Variants in ATP10D observed in about 807,000 individuals in gnomAD.
ATP10D encodes phospholipid-transporting ATPase VD.
In ATP10D, 89 loss-of-function variants were observed where a neutral mutation model predicts 144.8. That is an observed-to-expected ratio of 0.61 (90% CI 0.52 to 0.73). The LOEUF is 0.73. Ranked by LOEUF, ATP10D falls within the 30% of genes least tolerant of loss-of-function variation. ATP10D has a pLI of 0.00. For missense variants in ATP10D, 1,603 were observed against 1,714.8 expected, an observed-to-expected ratio of 0.93 and a Z score of 1.15; for synonymous variants, 571 against 615.1, an observed-to-expected ratio of 0.93 and a Z score of 1.06.
chr4:47,576,363 A>G (rs1720246054), intron 18 of ATP10D, among the ~76,000 whole-genome samples: 1 of 152,118 alleles, frequency 6.6e-6, no homozygotes, highest in East Asian at 1.9e-4. Flanking sequence ...AGATAGAGGG[A>G]GTTTTGTTTC....
chr4:47,556,844 T>C (rs1719013727), intron 11 of ATP10D: 1 of 152,140 alleles, frequency 6.6e-6, no homozygotes, highest in Non-Finnish European at 1.5e-5. Flanking sequence ...TAGTCACTGA[T>C]AAAAGTTAAG....
chr4:47,550,874 C>T (rs1274672786), intron 10 of ATP10D, among the ~76,000 whole-genome samples: 6 of 151,852 alleles, frequency 4.0e-5, no homozygotes, highest in East Asian at 1.9e-4. Context: ...TGGTGGACAG[C>T]GAGCGAAAGC....
At chr4:47,550,002 G>C (rs1236490764) in intron 10 of ATP10D, among the ~76,000 whole-genome samples, 1 of 151,554 alleles carries the variant, frequency 6.6e-6, no homozygotes, top group African/African-American at 2.4e-5. Flanking sequence ...GTGGGGAGGG[G>C]GTGGTGGCAA....
intron 5 of ATP10D, among the ~76,000 whole-genome samples, chr4:47,529,657 C>T (rs918382444): frequency 6.6e-6 from 1 of 151,744 alleles, no homozygotes; most frequent in Non-Finnish European, 1.5e-5. Flanking sequence ...TTTTAGAATT[C>T]TTTTTTCTAA....
intron 5 of ATP10D, among the ~76,000 whole-genome samples, chr4:47,529,531 T>C (rs768290074): frequency 6.6e-6 from 1 of 152,212 alleles, no homozygotes; most frequent in Non-Finnish European, 1.5e-5. Context: ...CCATGCTGTT[T>C]TGGTTACTGT....
chr4:47,517,292 G>A (rs1176806000), intron 3 of ATP10D, among the ~76,000 whole-genome samples: 2 of 151,882 alleles, frequency 1.3e-5, no homozygotes, highest in East Asian at 1.9e-4. Flanking sequence ...TGGGGTGTGC[G>A]TGTAGTCCCA....
At chr4:47,561,721 A>T (rs552356247) in intron 14 of ATP10D, among the ~76,000 whole-genome samples, 1 of 152,328 alleles carries the variant, frequency 6.6e-6, no homozygotes, top group South Asian at 2.1e-4. Flanking sequence ...ACTTTAAAAA[A>T]TATTGATGCC....
intron 1 of ATP10D, among the ~76,000 whole-genome samples, chr4:47,504,083 C>T (rs1052141542): frequency 2.0e-5 from 3 of 152,074 alleles, no homozygotes; most frequent in African/African-American, 7.2e-5. Context: ...CTAAGAACTC[C>T]AAGGTGATTT....
In ATP10D at chr4:47,523,200, G is replaced by C. The variant is rs559976209; in HGVS notation, c.674G>C (p.Arg225Pro). 6.2e-7 allele frequency: 1 copy of C among 1,613,902 alleles called. No homozygotes were observed. Among genetic ancestry groups the C allele is most frequent in the Middle Eastern group, 1.7e-4 (1 of 6,050 alleles). The change falls in exon 4 of 23, where the codon CGG (arginine) becomes CCG (proline). Residue 225 changes from arginine to proline, a missense_variant. Arg to Pro is a moderately radical substitution (Grantham distance 103). Coordinates refer to ENST00000273859, the MANE Select transcript of ATP10D (RefSeq NM_020453.4). ...ESNLKQRQVVRGYAEQDSEVD... is the reference protein window; with the variant it reads ...ESNLKQRQVVPGYAEQDSEVD... ...AATTTAAAACAGAGGCAGGTGGTTC[G>C]GGGATATGCAGAACAGGTAAGTCAT...
In ATP10D at chr4:47,585,182, CTCTTTA is replaced by C. The variant is rs915599866; in HGVS notation, c.3754-1835_3754-1830del. Among the ~76,000 whole-genome samples the C allele has an allele frequency of 5.9e-5, 9 of 152,034 alleles. No individual in the cohort carries two copies. In the East Asian group the frequency reaches 1.5e-3, roughly 26 times the overall value. ...TTATCACAGTAATTCTTGCTAATTTCTCTTTATAACAAAGATTAATCAAACCCTAGA... is the reference window on the plus strand; with the variant it reads ...TTATCACAGTAATTCTTGCTAATTTCTAACAAAGATTAATCAAACCCTAGA... On this transcript the variant is annotated intron_variant, in intron 21 of 22. Transcript: ENST00000273859.
intron 22 of ATP10D, among the ~76,000 whole-genome samples, chr4:47,588,541 C>T (rs750338377): frequency 3.4e-5 from 5 of 149,210 alleles, no homozygotes; most frequent in Admixed American, 6.6e-5. Context: ...TGTCTGGCTC[C>T]CAGTGCCTAA....
intron 20 of ATP10D, 78 bp from the exon 21 acceptor site, chr4:47,581,882 T>C (rs1720537347): frequency 2.6e-6 from 3 of 1,147,146 alleles, no homozygotes; most frequent in Non-Finnish European, 3.9e-6. Context: ...CAAGCCTTGG[T>C]TGAGCTGTAG....
chr4:47,548,041 T>C (rs1214547193), intron 10 of ATP10D, among the ~76,000 whole-genome samples: 1 of 152,176 alleles, frequency 6.6e-6, no homozygotes, highest in Non-Finnish European at 1.5e-5. Context: ...TATCGATATA[T>C]TTTCTTCTAT....
Position 47,485,399 on chromosome 4 carries a change from A to G in ATP10D, c.-158A>G. 6.6e-6 allele frequency: 1 copy of G among 151,064 alleles called. No homozygotes were observed. 9.4% of individuals were successfully genotyped at this position (151,064 alleles called of 1,614,324 possible). On this transcript the variant is annotated 5_prime_UTR_variant, in exon 1 of 23. Transcript: ENST00000273859. ...CTAAGTGATTTTTTTTTTTTCCCGG[A>G]AGGCAAATGGCTGGCGTGGAAGCAC...
intron 15 of ATP10D, among the ~76,000 whole-genome samples, chr4:47,565,937 A>T (rs1455984429): frequency 1.3e-5 from 2 of 152,236 alleles, no homozygotes; most frequent in African/African-American, 4.8e-5. Context: ...AACAGAATAC[A>T]ACAAACATAA....
chr4:47,503,221 A>G (rs552229456), intron 1 of ATP10D, among the ~76,000 whole-genome samples: 74 of 152,218 alleles, frequency 4.9e-4, no homozygotes, highest in African/African-American at 1.7e-3. Context: ...ATAAATAAAA[A>G]TAAAATAAAA....
intron 3 of ATP10D, among the ~76,000 whole-genome samples, chr4:47,519,919 C>T (rs907537443): frequency 1.3e-5 from 2 of 152,090 alleles, no homozygotes; most frequent in African/African-American, 2.4e-5. Context: ...ATATTAATAT[C>T]GGTATATGTT....
Position 47,536,497 on chromosome 4 carries a change from A to G in ATP10D, c.1076A>G (p.Asp359Gly). The change falls in exon 8 of 23, where the codon GAT becomes GGT. Residue 359 changes from aspartate to glycine, a missense_variant. Coordinates refer to ENST00000273859, the MANE Select transcript of ATP10D (RefSeq NM_020453.4). ...CATTTTTTCAATGTTCCCGAGCCTGATGGACATATCATATCACCACTGTTG... is the reference window on the plus strand; with the variant it reads ...CATTTTTTCAATGTTCCCGAGCCTGGTGGACATATCATATCACCACTGTTG... ...KMHFFNVPEP[D>G]GHIISPLLAG... 6.2e-7 allele frequency: 1 copy of G among 1,613,674 alleles called. No homozygotes were observed. The highest frequency in any genetic ancestry group is 8.5e-7 in the Non-Finnish European group (1 of 1,179,654).
intron 5 of ATP10D, among the ~76,000 whole-genome samples, chr4:47,527,226 A>G: frequency 6.6e-6 from 1 of 152,140 alleles, no homozygotes; most frequent in Non-Finnish European, 1.5e-5. Context: ...TTCAACAAAC[A>G]GTACTGCAAC....
Sources: gnomAD v4.1 joint callset for allele counts (sites outside exome capture counted in the v4.1 genomes callset) on GRCh38, gnomAD v4.1.1 for gene constraint, MANE v1.5 for transcripts, NCBI Gene and HGNC (gene_info 2026-07-23, HGNC 2026-07-21) for gene names.